SLIT3: variants seen among roughly 807,000 people sequenced by gnomAD.
SLIT3 encodes slit guidance ligand 3.
Under a neutral mutation model 184.0 loss-of-function variants are expected in SLIT3, and 68 were observed. The observed-to-expected ratio is 0.37, with a 90% CI of 0.30 to 0.45. The LOEUF (loss-of-function observed/expected upper bound fraction) is 0.45. SLIT3 is among the 20% of genes least tolerant of loss of function. The pLI, the probability that SLIT3 is intolerant of heterozygous loss-of-function variation, is 1.00. For synonymous variants in SLIT3, 831 were observed against 828.6 expected, an observed-to-expected ratio of 1.00 and a Z score of -0.05; for missense variants, 1,707 against 2,026.0, an observed-to-expected ratio of 0.84 and a Z score of 3.02.
intron 6 of SLIT3, among the ~76,000 whole-genome samples, chr5:168,840,563 C>T (rs1758207094): frequency 6.6e-6 from 1 of 151,984 alleles, no homozygotes; most frequent in Admixed American, 6.5e-5. Context: ...GCTCAGAGCA[C>T]CAGCACAGTG....
chr5:168,982,033 AACC>A (rs1754966617), intron 4 of SLIT3, among the ~76,000 whole-genome samples: 1 of 152,342 alleles, frequency 6.6e-6, no homozygotes, highest in South Asian at 2.1e-4. Context: ...ATATGATATT[AACC>A]ACCACACTTT....
chr5:169,014,096 A>AAGGCAGGCAGGCAGGCAGGC (rs60057409), intron 4 of SLIT3, among the ~76,000 whole-genome samples: 1,738 of 150,304 alleles, frequency 0.012, 42 homozygotes, highest in African/African-American at 0.04. Flanking sequence ...TGTGGGAAGG[A>AAGGCAGGCAGGCAGGCAGGC]AGGCAGGCAG....
intron 3 of SLIT3, among the ~76,000 whole-genome samples, chr5:169,229,062 T>TGC (rs955757099): frequency 3.1e-4 from 47 of 152,126 alleles, no homozygotes; most frequent in Admixed American, 2.3e-3. Context: ...GGAGAAGCCG[T>TGC]GCGCACACAC....
At chr5:169,046,365 G>A (rs994912122) in intron 4 of SLIT3, among the ~76,000 whole-genome samples, 1 of 152,186 alleles carries the variant, frequency 6.6e-6, no homozygotes, top group African/African-American at 2.4e-5. Context: ...AAGAAAGGAG[G>A]TGAGACTCCA....
chr5:168,866,692 T>TCTACA (rs1391379068), intron 5 of SLIT3, among the ~76,000 whole-genome samples: 4 of 152,216 alleles, frequency 2.6e-5, no homozygotes, highest in African/African-American at 7.2e-5. Flanking sequence ...TAGATTCATA[T>TCTACA]TTTGACTCTG....
At chr5:168,881,965 C>A (rs553961261) in intron 5 of SLIT3, among the ~76,000 whole-genome samples, 3 of 152,266 alleles carry the variant, frequency 2.0e-5, no homozygotes, top group Admixed American at 6.5e-5. Flanking sequence ...GAGCCCCTTG[C>A]GAAGTCCTCT....
chr5:169,004,968 G>A (rs1027525087), intron 4 of SLIT3, among the ~76,000 whole-genome samples: 4 of 152,180 alleles, frequency 2.6e-5, no homozygotes, highest in African/African-American at 4.8e-5. Flanking sequence ...ACAGGCGCAC[G>A]TTGTTTTATT....
chr5:168,751,758 C>T (rs1290569933), intron 18 of SLIT3, among the ~76,000 whole-genome samples: 2 of 149,334 alleles, frequency 1.3e-5, no homozygotes, highest in African/African-American at 5.0e-5. Flanking sequence ...GACGAAGTCT[C>T]GCTCTCGCTC....
At chr5:169,137,101 C>T (rs895393360) in intron 4 of SLIT3, among the ~76,000 whole-genome samples, 3 of 152,016 alleles carry the variant, frequency 2.0e-5, no homozygotes, top group Non-Finnish European at 4.4e-5. Flanking sequence ...CTGGACTTCC[C>T]GACAGCTTCT....
At chr5:168,733,228 C>T (rs1358409315) in intron 20 of SLIT3, among the ~76,000 whole-genome samples, 5 of 151,990 alleles carry the variant, frequency 3.3e-5, no homozygotes, top group Non-Finnish European at 5.9e-5. Context: ...CCAATCAGAA[C>T]CACAGTGAGA....
At position 168,666,001 on chromosome 5, in the gene SLIT3, C is replaced by T. The variant is rs1327299700; in HGVS notation, c.*453G>A. On this transcript the variant is annotated 3_prime_UTR_variant, in exon 36 of 36. Transcript: ENST00000519560. The stretch of plus-strand genomic sequence containing the variant: ...TCTTCCTCTTATTCCTTTTTCTGAT[C>T]TCAATGAGCAGCTCTTGGTCTACTG... 1.3e-5 allele frequency: 2 copies of T among 152,604 alleles called. No homozygotes were observed. The highest frequency in any genetic ancestry group is 2.4e-5 in the African/African-American group (1 of 41,460). 9.5% of individuals were successfully genotyped at this position (152,604 alleles called of 1,614,324 possible). A position where few individuals can be genotyped will look rare whatever the true frequency, so the allele number is the denominator to read the frequency against.
chr5:169,063,213 A>T (rs1758236270), intron 4 of SLIT3, among the ~76,000 whole-genome samples: 1 of 152,164 alleles, frequency 6.6e-6, no homozygotes, highest in African/African-American at 2.4e-5. Context: ...TGCCGGCTGC[A>T]TGAGGGTCAG....
intron 20 of SLIT3, among the ~76,000 whole-genome samples, chr5:168,726,603 A>G (rs1763137611): frequency 6.6e-6 from 1 of 150,704 alleles, no homozygotes; most frequent in African/African-American, 2.4e-5. Flanking sequence ...ATGTATAAAG[A>G]AATATAAATT....
At chr5:168,800,815 G>A (rs1180585002) in intron 9 of SLIT3, among the ~76,000 whole-genome samples, 1 of 152,158 alleles carries the variant, frequency 6.6e-6, no homozygotes, top group African/African-American at 2.4e-5. Context: ...ATGCCACAGA[G>A]GAAATTATTT....
At chr5:169,161,706 C>A (rs1245143158) in intron 4 of SLIT3, among the ~76,000 whole-genome samples, 1 of 144,806 alleles carries the variant, frequency 6.9e-6, no homozygotes, top group Non-Finnish European at 1.5e-5. Context: ...GAAAAATAAT[C>A]TCTGCCCTTT....
intron 4 of SLIT3, among the ~76,000 whole-genome samples, chr5:168,971,056 T>C (rs10051067): frequency 0.024 from 3,643 of 152,314 alleles, 162 homozygotes; most frequent in African/African-American, 0.083. Context: ...CTCTAGATGT[T>C]GGTGATTCAT....
intron 4 of SLIT3, among the ~76,000 whole-genome samples, chr5:169,137,329 C>CAGAG (rs573469556): frequency 1.4e-4 from 14 of 98,006 alleles, no homozygotes; most frequent in East Asian, 2.7e-4. Flanking sequence ...CACACACACA[C>CAGAG]ACACACAGAG....
Position 168,961,269 on chromosome 5 carries a change from C to A in SLIT3, c.414-77933G>T, listed in dbSNP as rs549285675. 2.6e-5 allele frequency among the ~76,000 whole-genome samples: 4 copies of A among 152,328 alleles called. No individual in the cohort carries two copies. In the East Asian group the frequency reaches 7.7e-4, roughly 29 times the overall value. The stretch of plus-strand genomic sequence containing the variant: ...GCCCACTGCAGGAAGAAATAGCCAG[C>A]ACATCCACTCATTCATTCAAAAGAC... On this transcript the variant is annotated intron_variant, in intron 4 of 35. Transcript: ENST00000519560.
chr5:169,037,948 T>C (rs1343586216), intron 4 of SLIT3: 1 of 152,284 alleles, frequency 6.6e-6, no homozygotes, highest in Non-Finnish European at 1.5e-5. Flanking sequence ...TATAACAATC[T>C]CTTTTCACTC....
Sources: gnomAD v4.1 joint callset for allele counts (sites outside exome capture counted in the v4.1 genomes callset) on GRCh38, gnomAD v4.1.1 for gene constraint, MANE v1.5 for transcripts, NCBI Gene and HGNC (gene_info 2026-07-23, HGNC 2026-07-21) for gene names.